ST3GAL3: variants seen among roughly 807,000 people sequenced by gnomAD.
The protein encoded by ST3GAL3 is ST3 beta-galactoside alpha-2,3-sialyltransferase 3, also known as CMP-N-acetylneuraminate-beta-1,4-galactoside alpha-2,3-sialyltransferase.
ST3GAL3 carries 21 observed loss-of-function variants against 50.1 expected under a neutral mutation model. The observed-to-expected ratio is 0.42, with a 90% CI of 0.30 to 0.60. The LOEUF is 0.60. ST3GAL3 is among the 20% of genes least tolerant of loss of function. The probability of loss-of-function intolerance (pLI) is 0.19; values close to 1 mark genes in which losing one functional copy is unlikely to be tolerated. For synonymous variants in ST3GAL3, 183 were observed against 190.0 expected (o/e 0.96, Z 0.30); for missense variants, 353 against 489.4 (o/e 0.72, Z 2.63).
chr1:43,844,825 TAAA>T (rs372453242), intron 5 of ST3GAL3, among the ~76,000 whole-genome samples: 7 of 130,246 alleles, frequency 5.4e-5, no homozygotes, highest in Admixed American at 7.7e-5. Flanking sequence ...AGACTCCGTC[TAAA>T]AAAAAAAAAA....
chr1:43,895,757 G>A (rs2077300294), intron 6 of ST3GAL3, among the ~76,000 whole-genome samples: 1 of 152,182 alleles, frequency 6.6e-6, no homozygotes, highest in Non-Finnish European at 1.5e-5. Context: ...TAAACCATAT[G>A]AAGAACCCCT....
intron 1 of ST3GAL3, among the ~76,000 whole-genome samples, chr1:43,714,488 C>T (rs1666395495): frequency 6.6e-6 from 1 of 150,870 alleles, no homozygotes; most frequent in Non-Finnish European, 1.5e-5. Flanking sequence ...ACCTGTAGTC[C>T]CAGCTGCTCT....
At chr1:43,855,416 C>T (rs2068151224) in intron 5 of ST3GAL3, among the ~76,000 whole-genome samples, 1 of 152,100 alleles carries the variant, frequency 6.6e-6, no homozygotes, top group Non-Finnish European at 1.5e-5. Context: ...TCGAGACCAG[C>T]CTGACCAACA....
At chr1:43,765,225 G>A (rs1442679152) in intron 2 of ST3GAL3, among the ~76,000 whole-genome samples, 1 of 152,058 alleles carries the variant, frequency 6.6e-6, no homozygotes, top group Non-Finnish European at 1.5e-5. Context: ...ACTCCCCCAG[G>A]CCCTAGGGCC....
intron 5 of ST3GAL3, chr1:43,850,788 G>T: frequency 2.3e-6 from 2 of 888,400 alleles, no homozygotes; most frequent in Non-Finnish European, 3.8e-6. Flanking sequence ...AAATTCCAGA[G>T]TCATAGCTTG....
chr1:43,852,369 C>A (rs148364790), intron 5 of ST3GAL3, among the ~76,000 whole-genome samples: 10 of 152,312 alleles, frequency 6.6e-5, no homozygotes, highest in African/African-American at 2.2e-4. Flanking sequence ...GCAAAGTCTT[C>A]CCTTACCTAG....
intron 3 of ST3GAL3, among the ~76,000 whole-genome samples, chr1:43,796,665 T>A (rs1474470939): frequency 6.6e-6 from 1 of 152,190 alleles, no homozygotes; most frequent in African/African-American, 2.4e-5. Flanking sequence ...TTAAACAAGA[T>A]GTAGAGTCTC....
At chr1:43,709,351 G>A (rs1663371425) in intron 1 of ST3GAL3, 1 of 152,158 alleles carries the variant, frequency 6.6e-6, no homozygotes, top group East Asian at 1.9e-4. Flanking sequence ...CTAACTATCA[G>A]GAATACAGTA....
intron 1 of ST3GAL3, among the ~76,000 whole-genome samples, chr1:43,734,297 C>CTTTT (rs751937263): frequency 0.02 from 2,252 of 113,480 alleles, 189 homozygotes; most frequent in East Asian, 0.035. Flanking sequence ...TCTTCTTCTT[C>CTTTT]TTTTTTTTTT....
intron 4 of ST3GAL3, among the ~76,000 whole-genome samples, chr1:43,822,968 T>TG (rs1210655961): frequency 6.6e-6 from 1 of 152,184 alleles, no homozygotes; most frequent in African/African-American, 2.4e-5. Context: ...TCCTTCCAAT[T>TG]GCTCACATCA....
chr1:43,789,987 A>G (rs1317959132), intron 2 of ST3GAL3, among the ~76,000 whole-genome samples: 1 of 152,120 alleles, frequency 6.6e-6, no homozygotes, highest in Non-Finnish European at 1.5e-5. Context: ...ATTTTGTAAA[A>G]AAGTGGCAAC....
At chr1:43,791,542 G>A (rs748303680) in intron 2 of ST3GAL3, among the ~76,000 whole-genome samples, 14 of 152,186 alleles carry the variant, frequency 9.2e-5, no homozygotes, top group South Asian at 2.1e-4. Context: ...CGGTGTTTGC[G>A]TAGGTACTCA....
intron 3 of ST3GAL3, among the ~76,000 whole-genome samples, chr1:43,813,158 C>G (rs1225024749): frequency 6.6e-6 from 1 of 152,148 alleles, no homozygotes; most frequent in Non-Finnish European, 1.5e-5. Context: ...ATTCTCTGGC[C>G]TCTCTGGAAG....
At chr1:43,874,370 A>G (rs530147431) in intron 5 of ST3GAL3, among the ~76,000 whole-genome samples, 22 of 152,338 alleles carry the variant, frequency 1.4e-4, no homozygotes, top group African/African-American at 5.0e-4. Flanking sequence ...AGGCAAATGT[A>G]GATAACTCTT....
At chr1:43,713,212 CAG>C (rs796552650) in intron 1 of ST3GAL3, among the ~76,000 whole-genome samples, 2 of 152,312 alleles carry the variant, frequency 1.3e-5, no homozygotes, top group African/African-American at 4.8e-5. Flanking sequence ...AGATGAGCAG[CAG>C]ACCAGGATTT....
At chr1:43,873,720 G>A (rs1425601867) in intron 5 of ST3GAL3, among the ~76,000 whole-genome samples, 4 of 152,152 alleles carry the variant, frequency 2.6e-5, no homozygotes, top group Non-Finnish European at 5.9e-5. Flanking sequence ...GGGAGGCAGA[G>A]GTTGCATGTA....
intron 2 of ST3GAL3, among the ~76,000 whole-genome samples, chr1:43,785,982 C>T (rs2057278724): frequency 6.6e-6 from 1 of 152,178 alleles, no homozygotes; most frequent in Non-Finnish European, 1.5e-5. Flanking sequence ...CATGTCCCAT[C>T]AGTCACTACA....
chr1:43,708,425 A>G (rs1030925058), intron 1 of ST3GAL3, among the ~76,000 whole-genome samples: 5 of 152,224 alleles, frequency 3.3e-5, no homozygotes, highest in African/African-American at 1.2e-4. Context: ...TTACCTCAGA[A>G]AGTAAAATAC....
intron 1 of ST3GAL3, among the ~76,000 whole-genome samples, chr1:43,726,381 G>A (rs188402335): frequency 6.0e-4 from 91 of 151,138 alleles, no homozygotes; most frequent in Non-Finnish European, 1.1e-3. Flanking sequence ...CTAACTCCTG[G>A]GCTCAAGTAA....
Sources: allele counts gnomAD v4.1 joint callset (sites outside exome capture counted in the v4.1 genomes callset), GRCh38; gene constraint gnomAD v4.1.1; transcripts MANE v1.5; gene names NCBI Gene and HGNC (gene_info 2026-07-23, HGNC 2026-07-21).